SAAL1: variants seen among roughly 807,000 people sequenced by gnomAD.
SAAL1 encodes protein SAAL1.
A neutral mutation model predicts 59.8 loss-of-function variants in SAAL1; 42 were observed. The ratio of observed to expected loss-of-function variants is 0.70; its 90% CI spans 0.55 to 0.91. The LOEUF is 0.91. Ranked by LOEUF, SAAL1 falls within the 40% of genes least tolerant of loss-of-function variation. The pLI is 0.00. For missense variants in SAAL1, 542 were observed against 561.1 expected, an observed-to-expected ratio of 0.97 and a Z score of 0.34; for synonymous variants, 191 against 194.3, an observed-to-expected ratio of 0.98 and a Z score of 0.14.
intron 9 of SAAL1, among the ~76,000 whole-genome samples, chr11:18,086,304 A>C (rs955732008): frequency 2.0e-5 from 3 of 152,198 alleles, no homozygotes; most frequent in Admixed American, 2.0e-4. Context: ...CAGGAGGCTG[A>C]GGTGAGACAA....
At chr11:18,103,494 G>A in intron 1 of SAAL1, 148 bp from the exon 2 acceptor site, 1 of 661,292 alleles carries the variant, frequency 1.5e-6, no homozygotes, top group East Asian at 2.7e-5. Context: ...TGTCTGTGTG[G>A]AGTTTGCATG....
intron 1 of SAAL1, among the ~76,000 whole-genome samples, 165 bp downstream of exon 1, chr11:18,105,742 G>C (rs1333524064): frequency 6.6e-6 from 1 of 152,204 alleles, no homozygotes; most frequent in Non-Finnish European, 1.5e-5. Context: ...TAGTTTTGGG[G>C]TCCGCAGCGG....
chr11:18,099,079 C>CAT (rs56212983), intron 2 of SAAL1, among the ~76,000 whole-genome samples: 66,803 of 151,908 alleles, frequency 0.44, 15,842 homozygotes, highest in African/African-American at 0.61. Context: ...GATTTGAACC[C>CAT]ATGAGTCTGA....
intron 2 of SAAL1, 124 bp from the exon 3 acceptor site, chr11:18,096,978 G>T: frequency 1.6e-6 from 1 of 633,388 alleles, no homozygotes; most frequent in Non-Finnish European, 2.8e-6. Flanking sequence ...GCTGACACCT[G>T]TAATCCTAGC....
At chr11:18,081,943 T>A (rs1312039214) in intron 10 of SAAL1, among the ~76,000 whole-genome samples, 7 of 152,224 alleles carry the variant, frequency 4.6e-5, no homozygotes, top group African/African-American at 1.7e-4. Flanking sequence ...GCCTCAACTC[T>A]CTCTACTCCT....
intron 9 of SAAL1, among the ~76,000 whole-genome samples, chr11:18,085,969 A>G (rs1848459791): frequency 1.3e-5 from 2 of 152,236 alleles, no homozygotes; most frequent in African/African-American, 4.8e-5. Context: ...CATAAAAACA[A>G]TTCTGTGAAA....
chr11:18,105,782 A>G, intron 1 of SAAL1, 125 bp downstream of exon 1: 1 of 1,243,382 alleles, frequency 8.0e-7, no homozygotes, highest in Non-Finnish European at 1.1e-6. Flanking sequence ...AAGGTCCCGC[A>G]GCGCACGCCT....
chr11:18,100,993 C>A (rs1484238331), intron 2 of SAAL1, among the ~76,000 whole-genome samples: 2 of 152,118 alleles, frequency 1.3e-5, no homozygotes, highest in African/African-American at 4.8e-5. Flanking sequence ...AAAAGATACA[C>A]AGAGTACAAA....
chr11:18,100,577 G>A (rs936699163), intron 2 of SAAL1, among the ~76,000 whole-genome samples: 4 of 152,116 alleles, frequency 2.6e-5, no homozygotes, highest in African/African-American at 9.7e-5. Flanking sequence ...AAAAAATACA[G>A]AGCGAGACTC....
In SAAL1 at chr11:18,096,902, A is replaced by G. The variant is rs772331087; in HGVS notation, c.250-48T>C. 1.2e-5 allele frequency: 12 copies of G among 988,036 alleles called. No homozygotes were observed. The East Asian group carries it at 2.9e-4, about 24-fold the overall frequency. 61.2% of individuals were successfully genotyped at this position (988,036 alleles called of 1,614,324 possible). A position where few individuals can be genotyped will look rare whatever the true frequency, so the allele number is the denominator to read the frequency against. ...ACTTGGATGTTGAATATTCCTCCCTAAACCCTAAAGCTCAGGCAACCATAA... is the reference window on the plus strand; with the variant it reads ...ACTTGGATGTTGAATATTCCTCCCTGAACCCTAAAGCTCAGGCAACCATAA... On this transcript the variant is annotated intron_variant, in intron 2 of 11. Transcript: ENST00000524803.
intron 1 of SAAL1, 80 bp downstream of exon 1, chr11:18,105,827 G>C: frequency 1.4e-6 from 2 of 1,454,566 alleles, no homozygotes; most frequent in Non-Finnish European, 1.8e-6. Flanking sequence ...CGGCTCCCGG[G>C]GCAGGAGGAT....
chr11:18,099,850 C>T (rs1168258730), intron 2 of SAAL1, among the ~76,000 whole-genome samples: 1 of 152,200 alleles, frequency 6.6e-6, no homozygotes, highest in African/African-American at 2.4e-5. Context: ...CTGGTCCTCG[C>T]ACACTGAATT....
intron 10 of SAAL1, among the ~76,000 whole-genome samples, chr11:18,082,204 GA>G (rs537703355): frequency 6.2e-4 from 94 of 151,872 alleles, no homozygotes; most frequent in African/African-American, 2.2e-3. Context: ...CAAAGAATGG[GA>G]AAAAAATACA....
At chr11:18,096,603 T>A (rs991381825) in intron 3 of SAAL1, among the ~76,000 whole-genome samples, 168 bp downstream of exon 3, 1 of 151,928 alleles carries the variant, frequency 6.6e-6, no homozygotes, top group Non-Finnish European at 1.5e-5. Context: ...ATAAAATAAA[T>A]TTAAATAGCA....
intron 2 of SAAL1, 137 bp from the exon 3 acceptor site, chr11:18,096,991 A>T (rs4757613): frequency 0.38 from 230,953 of 600,438 alleles, 46,962 homozygotes; most frequent in African/African-American, 0.52. Context: ...ATCCTAGCAC[A>T]TTGGGAGGCC....
At chr11:18,092,462 C>T (rs1848532144) in intron 3 of SAAL1, 138 bp from the exon 4 acceptor site, 1 of 638,400 alleles carries the variant, frequency 1.6e-6, no homozygotes, top group Admixed American at 2.8e-5. Flanking sequence ...AATACATATA[C>T]TGCCTGTACC....
chr11:18,085,698 A>C (rs1848456547), intron 9 of SAAL1, among the ~76,000 whole-genome samples: 1 of 152,230 alleles, frequency 6.6e-6, no homozygotes, highest in Non-Finnish European at 1.5e-5. Context: ...ATATTTAAAA[A>C]CACTATGGCT....
intron 2 of SAAL1, 101 bp from the exon 3 acceptor site, chr11:18,096,955 G>A (rs1210257008): frequency 2.8e-5 from 19 of 682,748 alleles, no homozygotes; most frequent in East Asian, 1.7e-4. Context: ...AGAATTTTAC[G>A]CCAGGCGCAG....
intron 11 of SAAL1, among the ~76,000 whole-genome samples, chr11:18,081,132 T>C (rs916369777): frequency 6.6e-6 from 1 of 152,126 alleles, no homozygotes; most frequent in Non-Finnish European, 1.5e-5. Flanking sequence ...TTTTCAGCCC[T>C]TGCCCTCCCT....
Sources: gnomAD v4.1 joint callset for allele counts (sites outside exome capture counted in the v4.1 genomes callset) on GRCh38, gnomAD v4.1.1 for gene constraint, MANE v1.5 for transcripts, NCBI Gene and HGNC (gene_info 2026-07-23, HGNC 2026-07-21) for gene names.